Variants in ATXN1 observed in about 807,000 individuals in gnomAD.
ATXN1 encodes ataxin 1.
A neutral mutation model predicts 56.4 loss-of-function variants in ATXN1; 8 were observed. That is an observed-to-expected ratio of 0.14 (90% CI 0.08 to 0.26). ATXN1 has a LOEUF of 0.26. Among genes scored for constraint, ATXN1 ranks in the 10% least tolerant of loss-of-function variants. The pLI is 1.00. For synonymous variants in ATXN1, 514 were observed against 494.6 expected (o/e 1.04, Z -0.52); for missense variants, 987 against 1,106.5 (o/e 0.89, Z 1.53).
chr6:16,750,723 T>C (rs942923535), intron 2 of ATXN1, among the ~76,000 whole-genome samples: 2 of 152,178 alleles, frequency 1.3e-5, no homozygotes, highest in African/African-American at 2.4e-5. Flanking sequence ...CCAAGAGATA[T>C]GACTTTTTGC....
chr6:16,327,829 G>T lies in ATXN1; in HGVS notation c.482C>A (p.Ser161Ter). ...TANPVTSAVA[S>*]AAGATTPSQR... is the part of the protein sequence containing the mutation. ...GGATGGAGTGGTGGCCCCTGCGGCC[G>T]AGGCCACTGCACTGGTGACGGGGTT... Residue 161 changes from serine (S) to a stop codon, truncating the protein, a stop_gained, in exon 7 of 8, where the codon TCG becomes TAG. Transcript: ENST00000436367. LOFTEE classifies it high-confidence loss of function. The T allele has an allele frequency of 1.2e-6, 2 of 1,608,846 alleles. No individual in the cohort carries two copies. Among genetic ancestry groups the T allele is most frequent in the Non-Finnish European group, 8.5e-7 (1 of 1,179,918 alleles).
At chr6:16,564,590 G>C (rs1762179379) in intron 4 of ATXN1, among the ~76,000 whole-genome samples, 1 of 152,204 alleles carries the variant, frequency 6.6e-6, no homozygotes, top group East Asian at 1.9e-4. Context: ...TATGCTAAGT[G>C]AAAGAAGTCA....
intron 3 of ATXN1, among the ~76,000 whole-genome samples, chr6:16,649,465 C>T (rs1406964993): frequency 6.6e-6 from 1 of 152,134 alleles, no homozygotes; most frequent in Non-Finnish European, 1.5e-5. Flanking sequence ...ATTTGGCCGA[C>T]ATGGTTATGC....
chr6:16,422,493 G>A (rs1759057028), intron 6 of ATXN1, among the ~76,000 whole-genome samples: 1 of 152,084 alleles, frequency 6.6e-6, no homozygotes, highest in Non-Finnish European at 1.5e-5. Context: ...CCCTTTCTTG[G>A]AGAGAGAGAC....
intron 6 of ATXN1, among the ~76,000 whole-genome samples, chr6:16,408,179 T>C (rs959932115): frequency 6.6e-6 from 1 of 152,014 alleles, no homozygotes; most frequent in African/African-American, 2.4e-5. Context: ...CACTCAGGAA[T>C]AGAGAGGACA....
intron 6 of ATXN1, among the ~76,000 whole-genome samples, chr6:16,378,690 C>T (rs1397102186): frequency 1.3e-5 from 2 of 152,052 alleles, no homozygotes; most frequent in African/African-American, 4.8e-5. Flanking sequence ...TCCTGAGTAG[C>T]TGGGACTACA....
At chr6:16,730,277 C>T (rs1033371431) in intron 2 of ATXN1, among the ~76,000 whole-genome samples, 15 of 151,914 alleles carry the variant, frequency 9.9e-5, no homozygotes, top group Non-Finnish European at 1.8e-4. Flanking sequence ...AGTGAGGCTC[C>T]GTCCCAAAAT....
rs113839052 is a variant in ATXN1, at chr6:16,609,379, C to T, written c.-488-23472G>A. Among the ~76,000 whole-genome samples the T allele has an allele frequency of 1.5e-3, 229 of 152,302 alleles. 4 individuals carry two copies. Among genetic ancestry groups the T allele is most frequent in the Middle Eastern group, 0.01 (3 of 294 alleles). On this transcript the variant is annotated intron_variant, in intron 3 of 7. Transcript: ENST00000436367. ...GACTCTGATGCCAGAAAAATGCATC[C>T]TCTGCTACAAAGGGGGCTTGGAGTG...
chr6:16,571,611 C>T (rs1189923001), intron 4 of ATXN1, among the ~76,000 whole-genome samples: 2 of 152,160 alleles, frequency 1.3e-5, no homozygotes, highest in South Asian at 4.2e-4. Context: ...CCCACCTCAG[C>T]CTCCTGAGCA....
At chr6:16,672,430 T>A (rs1001367463) in intron 2 of ATXN1, among the ~76,000 whole-genome samples, 1 of 152,224 alleles carries the variant, frequency 6.6e-6, no homozygotes, top group South Asian at 2.1e-4. Context: ...CCTTGGAGTC[T>A]GTGGTAGGCA....
intron 6 of ATXN1, among the ~76,000 whole-genome samples, chr6:16,470,501 T>C (rs151036684): frequency 6.6e-6 from 1 of 152,256 alleles, no homozygotes; most frequent in East Asian, 1.9e-4. Context: ...TAAAAAAAAC[T>C]GGAAAATTAT....
intron 2 of ATXN1, among the ~76,000 whole-genome samples, chr6:16,714,238 C>T (rs1759593330): frequency 6.6e-6 from 1 of 150,600 alleles, no homozygotes; most frequent in South Asian, 2.1e-4. Flanking sequence ...AAAACCTGGC[C>T]CCATTTGCAT....
At chr6:16,606,867 T>TGTGTG (rs1554119511) in intron 3 of ATXN1, among the ~76,000 whole-genome samples, 28 of 126,810 alleles carry the variant, frequency 2.2e-4, no homozygotes, top group African/African-American at 7.5e-4. Context: ...GTTCCATGAG[T>TGTGTG]TGTGTGTGTG....
intron 4 of ATXN1, among the ~76,000 whole-genome samples, chr6:16,531,650 C>G (rs2327982): frequency 6.6e-6 from 1 of 150,864 alleles, no homozygotes; most frequent in Non-Finnish European, 1.5e-5. Context: ...AAAGTGCTAC[C>G]CATGTTAGAA....
At chr6:16,374,016 C>T (rs1273594849) in intron 6 of ATXN1, among the ~76,000 whole-genome samples, 3 of 151,996 alleles carry the variant, frequency 2.0e-5, no homozygotes, top group Non-Finnish European at 2.9e-5. Context: ...ACATAAAGCA[C>T]CACGGCATAA....
intron 2 of ATXN1, among the ~76,000 whole-genome samples, chr6:16,701,572 A>G (rs529531325): frequency 1.1e-4 from 16 of 152,344 alleles, no homozygotes; most frequent in African/African-American, 2.9e-4. Flanking sequence ...ACATGATCAT[A>G]TATCTAGAAA....
intron 6 of ATXN1, among the ~76,000 whole-genome samples, chr6:16,345,976 G>C (rs1328918437): frequency 2.0e-5 from 3 of 152,176 alleles, no homozygotes; most frequent in Non-Finnish European, 4.4e-5. Flanking sequence ...ACACTCCCTG[G>C]ATGTAGGCAA....
intron 3 of ATXN1, among the ~76,000 whole-genome samples, chr6:16,645,047 T>C (rs115848436): frequency 0.011 from 1,733 of 152,320 alleles, 18 homozygotes; most frequent in Middle Eastern, 0.065. Flanking sequence ...ATAGCTGAAA[T>C]TGAACTTTCC....
chr6:16,323,377 G>C (rs148879593), intron 7 of ATXN1, among the ~76,000 whole-genome samples: 2 of 151,912 alleles, frequency 1.3e-5, no homozygotes, highest in African/African-American at 4.8e-5. Flanking sequence ...AAATTAGCAG[G>C]GGGTGATGGC....
Sources: gnomAD v4.1 joint callset for allele counts (sites outside exome capture counted in the v4.1 genomes callset) on GRCh38, gnomAD v4.1.1 for gene constraint, MANE v1.5 for transcripts, NCBI Gene and HGNC (gene_info 2026-07-23, HGNC 2026-07-21) for gene names.